Variants in ZNF385D observed in about 807,000 individuals in gnomAD.
ZNF385D encodes zinc finger protein 659.
ZNF385D carries 15 observed loss-of-function variants against 35.8 expected under a neutral mutation model. The ratio of observed to expected loss-of-function variants is 0.42; its 90% CI spans 0.28 to 0.64. ZNF385D has a LOEUF of 0.64. Among genes scored for constraint, ZNF385D ranks in the 30% least tolerant of loss-of-function variants. ZNF385D has a pLI of 0.23. For missense variants in ZNF385D, 474 were observed against 494.6 expected (o/e 0.96, Z 0.39); for synonymous variants, 212 against 186.8 (o/e 1.13, Z -1.10).
intron 3 of ZNF385D, among the ~76,000 whole-genome samples, chr3:22,000,000 T>C (rs2125412560): frequency 6.6e-6 from 1 of 152,150 alleles, no homozygotes; most frequent in Middle Eastern, 3.4e-3. Context: ...CCCAAATAGA[T>C]TCAATCCAAA....
At chr3:21,752,359 T>C (rs527532924), upstream of ZNF385D, among the ~76,000 whole-genome samples, 21 of 152,312 alleles carry the variant, frequency 1.4e-4, no homozygotes, top group African/African-American at 5.1e-4. Context: ...TATGGAAGAA[T>C]GCAATTGATA....
chr3:21,443,270 A>G, intron 4 of ZNF385D: 1 of 985,238 alleles, frequency 1.0e-6, no homozygotes, highest in African/African-American at 1.7e-5. Flanking sequence ...AGGCTCAAGG[A>G]TGATTCAGGT....
At chr3:21,843,508 T>C (rs1401034885) in intron 3 of ZNF385D, among the ~76,000 whole-genome samples, 3 of 151,906 alleles carry the variant, frequency 2.0e-5, no homozygotes, top group Admixed American at 6.6e-5. Flanking sequence ...ACGTGAGAGG[T>C]AGACTCTGAT....
At chr3:21,511,112 A>G in intron 3 of ZNF385D, 89 bp from the exon 4 acceptor site, 2 of 1,509,798 alleles carry the variant, frequency 1.3e-6, no homozygotes, top group Non-Finnish European at 1.8e-6. Context: ...CTCCCTTTCA[A>G]TAACAGGTAC....
At chr3:21,611,648 T>C (rs1044418699) in intron 2 of ZNF385D, among the ~76,000 whole-genome samples, 1 of 152,190 alleles carries the variant, frequency 6.6e-6, no homozygotes, top group African/African-American at 2.4e-5. Flanking sequence ...ATCATTATGA[T>C]AGAGAATGAA....
At chr3:22,127,917 T>C (rs1703534979) in intron 3 of ZNF385D, among the ~76,000 whole-genome samples, 1 of 152,204 alleles carries the variant, frequency 6.6e-6, no homozygotes, top group South Asian at 2.1e-4. Context: ...ACTAAAGATA[T>C]GAGTAGTTTA....
intron 2 of ZNF385D, among the ~76,000 whole-genome samples, chr3:22,231,745 C>A (rs1698903243): frequency 1.3e-5 from 2 of 152,078 alleles, no homozygotes; most frequent in Non-Finnish European, 2.9e-5. Flanking sequence ...GGCTCTGTGT[C>A]CCCACACAGA....
chr3:22,112,784 C>T (rs1425837045), intron 3 of ZNF385D, among the ~76,000 whole-genome samples: 1 of 152,030 alleles, frequency 6.6e-6, no homozygotes. Flanking sequence ...GAAATACAAA[C>T]TTCATTGTTT....
chr3:22,345,460 T>TA (rs2125486764), intron 2 of ZNF385D, among the ~76,000 whole-genome samples: 1 of 152,346 alleles, frequency 6.6e-6, no homozygotes, highest in East Asian at 1.9e-4. Flanking sequence ...GCAAATACCT[T>TA]AGATTATTTC....
At chr3:21,822,622 G>A (rs1285367679) in intron 3 of ZNF385D, among the ~76,000 whole-genome samples, 1 of 152,052 alleles carries the variant, frequency 6.6e-6, no homozygotes, top group Non-Finnish European at 1.5e-5. Context: ...GAAAAAGAAT[G>A]ACATGCACAA....
At chr3:22,314,715 T>C (rs984993864) in intron 2 of ZNF385D, among the ~76,000 whole-genome samples, 61 of 152,228 alleles carry the variant, frequency 4.0e-4, no homozygotes, top group African/African-American at 1.4e-3. Context: ...ATCATCCCCA[T>C]TGAGAATGCA....
chr3:22,096,607 C>A (rs374542779), intron 3 of ZNF385D, among the ~76,000 whole-genome samples: 1 of 151,926 alleles, frequency 6.6e-6, no homozygotes. Context: ...TTTTCTGACC[C>A]CTTAGGGTTA....
At chr3:21,876,769 A>G (rs9829499) in intron 3 of ZNF385D, among the ~76,000 whole-genome samples, 3,493 of 152,154 alleles carry the variant, frequency 0.023, 154 homozygotes, top group African/African-American at 0.078. Flanking sequence ...CTTTGAAAGA[A>G]TTCCATCTAA....
chr3:21,604,108 C>A (rs1214460474), intron 2 of ZNF385D, among the ~76,000 whole-genome samples: 8 of 152,156 alleles, frequency 5.3e-5, no homozygotes, highest in Admixed American at 5.2e-4. Context: ...GTGAAAAATA[C>A]ACTTTCACTA....
At chr3:22,351,900 T>C (rs879612436) in intron 2 of ZNF385D, among the ~76,000 whole-genome samples, 15 of 152,266 alleles carry the variant, frequency 9.9e-5, no homozygotes, top group South Asian at 8.3e-4. Context: ...AAAATGGTGC[T>C]AACCTGAAGA....
intron 2 of ZNF385D, among the ~76,000 whole-genome samples, chr3:22,271,563 T>C (rs1280028037): frequency 6.6e-6 from 1 of 151,830 alleles, no homozygotes; most frequent in Admixed American, 6.6e-5. Context: ...ACCACCACAT[T>C]CTCTTCATAC....
chr3:21,491,932 G>T (rs1705453514), intron 4 of ZNF385D, among the ~76,000 whole-genome samples: 1 of 151,974 alleles, frequency 6.6e-6, no homozygotes, highest in African/African-American at 2.4e-5. Flanking sequence ...TAAAGGTAAA[G>T]CTACACACAC....
chr3:22,189,395 A>T (rs1695866643), intron 2 of ZNF385D, among the ~76,000 whole-genome samples: 1 of 152,144 alleles, frequency 6.6e-6, no homozygotes, highest in Non-Finnish European at 1.5e-5. Flanking sequence ...CCTAACACAA[A>T]TATATACATT....
Position 21,946,588 on chromosome 3 carries a change from T to C in ZNF385D, c.325+222229A>G, listed in dbSNP as rs532020301. On this transcript the variant is annotated intron_variant, in intron 3 of 5. Coordinates refer to the ZNF385D transcript ENST00000494108. Reference sequence around the variant, plus strand: ...GGCTCACACCTGTAATCCCAGAACTTTGGGAGGCTGAGGCAAGTGGATCAC... The same window carrying C: ...GGCTCACACCTGTAATCCCAGAACTCTGGGAGGCTGAGGCAAGTGGATCAC... 2.6e-5 allele frequency among the ~76,000 whole-genome samples: 4 copies of C among 152,224 alleles called. No homozygotes were observed. In the East Asian group the frequency reaches 7.7e-4, roughly 29 times the overall value.
Sources: allele counts gnomAD v4.1 joint callset (sites outside exome capture counted in the v4.1 genomes callset), GRCh38; gene constraint gnomAD v4.1.1; transcripts MANE v1.5; gene names NCBI Gene and HGNC (gene_info 2026-07-23, HGNC 2026-07-21).